ASAH1: variants seen among roughly 807,000 people sequenced by gnomAD.
ASAH1 encodes the protein N-acylsphingosine amidohydrolase 1.
Under a neutral mutation model 59.5 loss-of-function variants are expected in ASAH1, and 70 were observed. The observed-to-expected ratio is 1.18, with a 90% CI of 0.97 to 1.43. The LOEUF (loss-of-function observed/expected upper bound fraction) is 1.43, where lower values mean the gene tolerates loss of function less well. ASAH1 is among the 40% of genes most tolerant of loss of function. The probability of loss-of-function intolerance (pLI) is 0.00; values close to 1 mark genes in which losing one functional copy is unlikely to be tolerated. For synonymous variants in ASAH1, 213 were observed against 166.5 expected (o/e 1.28, Z -2.15); for missense variants, 660 against 482.5 (o/e 1.37, Z -3.45).
rs767229638 is a variant in ASAH1, at chr8:18,061,707, T to C, written c.682A>G (p.Ser228Gly). ...LFSLTLNERFSINGGYLGILE... is the reference protein window; with the variant it reads ...LFSLTLNERFGINGGYLGILE... ...TTACCCAGATAACCACCATTTATAC[T>C]GAAACGTTCATTCAGTGTAAGACTG... Residue 228 changes from serine (S) to glycine (G), a missense_variant, in exon 9 of 14, where the codon AGT (serine) becomes GGT (glycine). By Grantham distance (56) the Ser-to-Gly change is moderately conservative. Transcript: ENST00000637790. The C allele has an allele frequency of 1.6e-5, 25 of 1,585,170 alleles. 1 individual carries two copies. Among genetic ancestry groups the C allele is most frequent in the Admixed American group, 3.5e-5 (2 of 56,668 alleles).
At chr8:18,067,449 G>T in intron 4 of ASAH1, 151 bp from the exon 5 acceptor site, 1 of 366,668 alleles carries the variant, frequency 2.7e-6, no homozygotes, top group Non-Finnish European at 4.6e-6. Context: ...ATAAGTGATA[G>T]GAATTATTTT....
At chr8:18,072,977 T>C (rs1800234598) in intron 2 of ASAH1, among the ~76,000 whole-genome samples, 1 of 152,142 alleles carries the variant, frequency 6.6e-6, no homozygotes, top group Admixed American at 6.5e-5. Context: ...GGTAGGTTCA[T>C]GGATCTCAGA....
upstream of ASAH1, chr8:18,084,605 G>C (rs1352855653): frequency 2.5e-6 from 4 of 1,601,656 alleles, no homozygotes; most frequent in African/African-American, 5.3e-5. Flanking sequence ...CAGGGACAAG[G>C]AGCAGTTGAG....
chr8:18,057,232 G>C lies in ASAH1; in HGVS notation c.*302C>G. On this transcript the variant is annotated 3_prime_UTR_variant, in exon 14 of 14. Coordinates refer to ENST00000637790, the MANE Select transcript of ASAH1 (RefSeq NM_177924.5). Reference sequence around the variant, plus strand: ...TCTCCATTTATTCCACGGAGGTGGAGTTCACCATGGTTCGACTGCCCACCA... The same window carrying C: ...TCTCCATTTATTCCACGGAGGTGGACTTCACCATGGTTCGACTGCCCACCA... 1 of 330,460 alleles carries C rather than the reference G, an allele frequency of 3.0e-6. No individual in the cohort carries two copies. Among genetic ancestry groups the C allele is most frequent in the Non-Finnish European group, 6.0e-6 (1 of 167,568 alleles). The allele number at this position is 330,460 out of a possible 1,614,324, so 20.5% of individuals were successfully genotyped here.
chr8:18,073,991 C>A (rs1588996790), intron 2 of ASAH1, among the ~76,000 whole-genome samples: 1 of 152,156 alleles, frequency 6.6e-6, no homozygotes, highest in Admixed American at 6.5e-5. Flanking sequence ...TATGTATGCA[C>A]ATAGGTAGAC....
chr8:18,073,774 A>C (rs1800273380), intron 2 of ASAH1, among the ~76,000 whole-genome samples: 1 of 152,248 alleles, frequency 6.6e-6, no homozygotes, highest in Non-Finnish European at 1.5e-5. Flanking sequence ...TAAATACCAC[A>C]GTTATCTCCT....
chr8:18,059,798 A>G, intron 10 of ASAH1, 95 bp from the exon 11 acceptor site: 2 of 1,291,264 alleles, frequency 1.5e-6, no homozygotes, highest in Non-Finnish European at 2.1e-6. Flanking sequence ...GTTCTGGGAC[A>G]CATGTGCTGA....
At position 18,075,672 on chromosome 8, in the gene ASAH1, A is replaced by G. The variant is rs187732162; in HGVS notation, c.79-85T>C. ...AATTTCAAAAGTAGTTAATCTGTGA[A>G]GACAACATCAAGTCTGATATTGCTC... On this transcript the variant is annotated intron_variant, in intron 1 of 13. Coordinates refer to ENST00000637790, the MANE Select transcript of ASAH1 (RefSeq NM_177924.5). 305 of 1,250,542 alleles carry G rather than the reference A, an allele frequency of 2.4e-4. 1 individual carries two copies. The East Asian group carries it at 6.7e-3, about 27-fold the overall frequency. The allele number at this position is 1,250,542 out of a possible 1,614,324, so 77.5% of individuals were successfully genotyped here. A position where few individuals can be genotyped will look rare whatever the true frequency, so the allele number is the denominator to read the frequency against.
At chr8:18,072,078 G>A (rs2117065245) in intron 2 of ASAH1, among the ~76,000 whole-genome samples, 1 of 152,302 alleles carries the variant, frequency 6.6e-6, no homozygotes, top group East Asian at 1.9e-4. Flanking sequence ...ACTTATCAGT[G>A]AAGCTGGGCC....
intron 4 of ASAH1, chr8:18,067,787 C>A (rs1212801791): frequency 2.0e-5 from 3 of 152,290 alleles, no homozygotes; most frequent in African/African-American, 4.8e-5. Flanking sequence ...AATGGCTGAT[C>A]TTCAGCTAAG....
At chr8:18,058,575 A>C (rs1341622932) in intron 13 of ASAH1, 3 of 489,928 alleles carry the variant, frequency 6.1e-6, no homozygotes, top group African/African-American at 1.9e-5. Flanking sequence ...TACCAATAAG[A>C]GTAAAATGCT....
At chr8:18,075,252 C>G (rs1195595841) in intron 2 of ASAH1, among the ~76,000 whole-genome samples, 6 of 152,162 alleles carry the variant, frequency 3.9e-5, no homozygotes, top group Non-Finnish European at 8.8e-5. Context: ...CTCGGCCTCC[C>G]AAAGTGCTGG....
At chr8:18,076,386 G>A (rs569853720) in intron 1 of ASAH1, 1 of 152,318 alleles carries the variant, frequency 6.6e-6, no homozygotes, top group East Asian at 1.9e-4. Context: ...CTTGAGGTGA[G>A]GACGGCCCCC....
At chr8:18,067,025 G>T (rs1007161125) in intron 5 of ASAH1, 195 bp downstream of exon 5, 4 of 389,784 alleles carry the variant, frequency 1.0e-5, no homozygotes, top group African/African-American at 6.2e-5. Context: ...GGGCTCTTCC[G>T]TATCTTGATC....
At chr8:18,061,301 C>A (rs1206709761) in intron 10 of ASAH1, 76 bp downstream of exon 10, 1 of 1,285,290 alleles carries the variant, frequency 7.8e-7, no homozygotes, top group Non-Finnish European at 1.1e-6. Flanking sequence ...TAAGCTGGAG[C>A]TTGACAAATA....
chr8:18,077,266 G>A (rs1800442601), intron 1 of ASAH1, among the ~76,000 whole-genome samples: 1 of 152,178 alleles, frequency 6.6e-6, no homozygotes, highest in South Asian at 2.1e-4. Context: ...CAAAATATCT[G>A]AAAAGGAATA....
At chr8:18,070,629 A>T (rs1800131756) in intron 3 of ASAH1, among the ~76,000 whole-genome samples, 1 of 152,198 alleles carries the variant, frequency 6.6e-6, no homozygotes, top group African/African-American at 2.4e-5. Flanking sequence ...TTTATCTTTA[A>T]AGTGAATTTG....
chr8:18,084,083 C>T lies in ASAH1; in HGVS notation c.-25G>A. ...TCGCTCTAGCAGCCAACGCCACTCC[C>T]CGGACTCCAGCAGAGGCAAAGAAGA... On this transcript the variant is annotated 5_prime_UTR_variant, in exon 1 of 14. Transcript: ENST00000637790. 7 of 1,597,970 alleles carry T rather than the reference C, an allele frequency of 4.4e-6. No individual in the cohort carries two copies. The highest frequency in any genetic ancestry group is 1.7e-6 in the Non-Finnish European group (2 of 1,179,560).
intron 5 of ASAH1, chr8:18,065,846 T>A: frequency 6.6e-6 from 1 of 151,866 alleles, no homozygotes; most frequent in East Asian, 1.9e-4. Flanking sequence ...CAAAACAACA[T>A]ATATACAATC....
Sources: gnomAD v4.1 joint callset for allele counts (sites outside exome capture counted in the v4.1 genomes callset) on GRCh38, gnomAD v4.1.1 for gene constraint, MANE v1.5 for transcripts, NCBI Gene and HGNC (gene_info 2026-07-23, HGNC 2026-07-21) for gene names.